The following ZPLD1 variants were observed in gnomAD, a reference collection of about 807,000 sequenced individuals.
ZPLD1 encodes zona pellucida-like domain-containing protein 1.
A neutral mutation model predicts 47.2 loss-of-function variants in ZPLD1; 34 were observed. That is an observed-to-expected ratio of 0.72 (90% CI 0.55 to 0.96). The LOEUF (loss-of-function observed/expected upper bound fraction) is 0.96. ZPLD1 is among the 40% of genes least tolerant of loss of function. The probability of loss-of-function intolerance (pLI) is 0.00; values close to 1 mark genes in which losing one functional copy is unlikely to be tolerated. For missense variants in ZPLD1, 512 were observed against 505.8 expected, an observed-to-expected ratio of 1.01 and a Z score of -0.12; for synonymous variants, 176 against 186.2, an observed-to-expected ratio of 0.95 and a Z score of 0.45.
chr3:102,438,842 TA>T (rs1707131459), intron 3 of ZPLD1, among the ~76,000 whole-genome samples: 1 of 152,198 alleles, frequency 6.6e-6, no homozygotes, highest in South Asian at 2.1e-4. Context: ...GCCTACTGTG[TA>T]AAAAATTGGG....
rs760655832 is a variant in ZPLD1, at chr3:102,452,990, T to C, written c.178T>C (p.Phe60Leu). 5.6e-6 allele frequency: 9 copies of C among 1,614,032 alleles called. No homozygotes were observed. The highest frequency in any genetic ancestry group is 7.6e-6 in the Non-Finnish European group (9 of 1,180,004). Reference protein sequence around the residue: ...TMKINFCTVLFSGYSETDLAL... With the variant: ...TMKINFCTVLLSGYSETDLAL... ...GAAGATTAATTTTTGCACGGTACTT[T>C]TCTCGGGTTATTCGGAAACAGATCT... The change falls in exon 4 of 12, where the codon TTC becomes CTC. Residue 60 changes from phenylalanine (F) to leucine (L), a missense_variant. Physicochemically the swap from Phe to Leu is conservative, Grantham distance 22. Coordinates refer to ENST00000466937, the MANE Select transcript of ZPLD1 (RefSeq NM_001329788.2).
intron 7 of ZPLD1, among the ~76,000 whole-genome samples, chr3:102,413,883 T>A (rs1163253607): frequency 1.3e-5 from 2 of 151,780 alleles, no homozygotes; most frequent in Non-Finnish European, 2.9e-5. Flanking sequence ...AAAATTTGGG[T>A]GATTTCAAAT....
upstream of ZPLD1, among the ~76,000 whole-genome samples, chr3:102,434,685 T>A (rs899731190): frequency 1.3e-5 from 2 of 152,176 alleles, no homozygotes; most frequent in African/African-American, 4.8e-5. Context: ...GGTATTAATA[T>A]TTTGTATTAT....
intron 3 of ZPLD1, among the ~76,000 whole-genome samples, chr3:102,440,489 T>A (rs1319059054): frequency 2.0e-5 from 3 of 152,018 alleles, no homozygotes; most frequent in Admixed American, 2.0e-4. Flanking sequence ...ATAGGACACT[T>A]GCATGTTTTA....
upstream of ZPLD1, among the ~76,000 whole-genome samples, chr3:102,433,688 G>A (rs1707045513): frequency 6.6e-6 from 1 of 152,036 alleles, no homozygotes; most frequent in Admixed American, 6.6e-5. Context: ...CACCACGCCC[G>A]GCTAATTTTT....
chr3:102,446,501 T>C (rs1707257482), intron 3 of ZPLD1, among the ~76,000 whole-genome samples: 1 of 152,192 alleles, frequency 6.6e-6, no homozygotes, highest in Non-Finnish European at 1.5e-5. Flanking sequence ...TATTTCCAAC[T>C]ATCTGCTGTA....
chr3:102,425,320 T>C (rs1371719448), intron 8 of ZPLD1, among the ~76,000 whole-genome samples: 2 of 152,076 alleles, frequency 1.3e-5, no homozygotes, highest in East Asian at 3.9e-4. Flanking sequence ...TGATAGAACT[T>C]TTACCAAAAT....
At chr3:102,436,009 G>C (rs1236145131) in intron 1 of ZPLD1, among the ~76,000 whole-genome samples, 2 of 152,138 alleles carry the variant, frequency 1.3e-5, no homozygotes, top group Non-Finnish European at 2.9e-5. Context: ...ATCTATACCT[G>C]CTAACATAAA....
intron 8 of ZPLD1, among the ~76,000 whole-genome samples, chr3:102,466,976 G>A (rs185885623): frequency 1.5e-4 from 23 of 152,096 alleles, no homozygotes; most frequent in African/African-American, 4.6e-4. Context: ...ATGAAATGAT[G>A]CCCTGGATGA....
rs1397862888 is a variant in ZPLD1 at position 102,452,887 on chromosome 3, TTA to T, written c.107-30_107-29del. On this transcript the variant is annotated intron_variant, in intron 3 of 11. Transcript: ENST00000466937. ...TTATTTATCTTTCTGCTTTTCTGAC[TTA>T]TGTTTGTTTTTTATATATTTTTATT... is the stretch of plus-strand genomic sequence containing the variant. The T allele has an allele frequency of 3.7e-6, 6 of 1,604,354 alleles. No individual in the cohort carries two copies. The South Asian group carries it at 6.6e-5, about 18-fold the overall frequency.
intron 7 of ZPLD1, among the ~76,000 whole-genome samples, chr3:102,406,079 A>G (rs1051047368): frequency 6.6e-6 from 1 of 151,946 alleles, no homozygotes; most frequent in Non-Finnish European, 1.5e-5. Context: ...TTCAAAATAT[A>G]TTGCTTTTAT....
At chr3:102,448,313 G>A (rs185234933) in intron 3 of ZPLD1, among the ~76,000 whole-genome samples, 1 of 152,276 alleles carries the variant, frequency 6.6e-6, no homozygotes, top group East Asian at 1.9e-4. Flanking sequence ...TTGTTTAGTA[G>A]TCTTGAACAT....
chr3:102,393,779 G>A (rs1489485667), intron 7 of ZPLD1, among the ~76,000 whole-genome samples: 1 of 152,046 alleles, frequency 6.6e-6, no homozygotes, highest in East Asian at 1.9e-4. Context: ...ATGTGGCAAT[G>A]GAAAATCCTG....
chr3:102,428,028 C>T (rs749810912), intron 8 of ZPLD1, among the ~76,000 whole-genome samples: 1 of 152,102 alleles, frequency 6.6e-6, no homozygotes, highest in South Asian at 2.1e-4. Flanking sequence ...AACAGATATT[C>T]TATGCAATTA....
chr3:102,460,533 C>T lies in ZPLD1; in HGVS notation c.583-1748C>T, dbSNP rs148447305. ...AAGGATGCCTTTGTGTATTGGAATT[C>T]TACCTAAATGTTAGATTCTTCTGAG... On this transcript the variant is annotated intron_variant, in intron 6 of 11. Coordinates refer to ENST00000466937, the MANE Select transcript of ZPLD1 (RefSeq NM_001329788.2). Among the ~76,000 whole-genome samples the T allele has an allele frequency of 4.4e-3, 664 of 151,978 alleles. 4 individuals carry two copies. Among genetic ancestry groups the T allele is most frequent in the African/African-American group, 0.015 (616 of 41,512 alleles).
In ZPLD1 at chr3:102,399,385, A is replaced by G. The variant is rs1337085171; in HGVS notation, c.-157+7160A>G. ...ATTCCTTATCCACCTCACTTCAGTC[A>G]TGGGTGGCCTTCATTATGATCCTTC... On this transcript the variant is annotated intron_variant, in intron 7 of 17. Transcript: ENST00000491959. Among the ~76,000 whole-genome samples the G allele has an allele frequency of 2.0e-5, 3 of 152,062 alleles. No homozygotes were observed. The South Asian group carries it at 6.2e-4, about 32-fold the overall frequency.
chr3:102,450,292 G>A (rs1316186735), intron 3 of ZPLD1, among the ~76,000 whole-genome samples: 1 of 152,126 alleles, frequency 6.6e-6, no homozygotes, highest in African/African-American at 2.4e-5. Context: ...AATCTTCAGG[G>A]TACTGCTTGA....
At chr3:102,434,026 G>C (rs10511196), upstream of ZPLD1, among the ~76,000 whole-genome samples, 21,978 of 152,086 alleles carry the variant, frequency 0.14, 1,625 homozygotes, top group Middle Eastern at 0.18. Context: ...TCAAGTCAAA[G>C]AGAATAATGT....
chr3:102,438,471 C>T lies in ZPLD1; in HGVS notation c.-8-9C>T. On this transcript the variant is annotated splice_polypyrimidine_tract_variant and intron_variant, in intron 2 of 11. Coordinates refer to ENST00000466937, the MANE Select transcript of ZPLD1 (RefSeq NM_001329788.2). ...GGGAGTGTCCACATGATAGATATCT[C>T]TTTTCCAGGTTTTGCAATGGAACAA... 6.2e-7 allele frequency: 1 copy of T among 1,606,960 alleles called. No homozygotes were observed. Among genetic ancestry groups the T allele is most frequent in the Non-Finnish European group, 8.5e-7 (1 of 1,173,564 alleles).
Sources: allele counts gnomAD v4.1 joint callset (sites outside exome capture counted in the v4.1 genomes callset), GRCh38; gene constraint gnomAD v4.1.1; transcripts MANE v1.5; gene names NCBI Gene and HGNC (gene_info 2026-07-23, HGNC 2026-07-21).